Variants in SVIL observed in about 807,000 individuals in gnomAD.
The protein encoded by SVIL is supervillin.
In SVIL, 101 loss-of-function variants were observed where a neutral mutation model predicts 240.4. The ratio of observed to expected loss-of-function variants is 0.42; its 90% CI spans 0.36 to 0.50. The LOEUF is 0.50. Among genes scored for constraint, SVIL ranks in the 20% least tolerant of loss-of-function variants. The pLI is 0.01. For missense variants in SVIL, 2,512 were observed against 2,818.7 expected, an observed-to-expected ratio of 0.89 and a Z score of 2.46; for synonymous variants, 999 against 1,100.0, an observed-to-expected ratio of 0.91 and a Z score of 1.82.
chr10:29,565,062 A>G (rs1954855491), intron 2 of SVIL, among the ~76,000 whole-genome samples: 1 of 152,234 alleles, frequency 6.6e-6, no homozygotes, highest in Non-Finnish European at 1.5e-5. Flanking sequence ...AAATCTTTTC[A>G]GGAAAAAAAA....
intron 6 of SVIL, among the ~76,000 whole-genome samples, chr10:29,540,298 C>T (rs1187354057): frequency 2.6e-5 from 4 of 152,184 alleles, no homozygotes; most frequent in Non-Finnish European, 4.4e-5. Context: ...CCTCTCTCTT[C>T]GCTAGGATGT....
chr10:29,681,072 G>A (rs946982676), intron 2 of SVIL, among the ~76,000 whole-genome samples: 1 of 152,246 alleles, frequency 6.6e-6, no homozygotes, highest in South Asian at 2.1e-4. Flanking sequence ...GCGGAAGAGA[G>A]GTGAGTTCCC....
chr10:29,543,707 CT>C (rs1952376646), intron 6 of SVIL, among the ~76,000 whole-genome samples: 1 of 152,128 alleles, frequency 6.6e-6, no homozygotes, highest in African/African-American at 2.4e-5. Context: ...CCCCTGCCTC[CT>C]TTAGTCATCA....
In SVIL at chr10:29,630,630, T is replaced by C. The variant is rs540141462; in HGVS notation, c.-201+3790A>G. 7.0e-4 allele frequency among the ~76,000 whole-genome samples: 107 copies of C among 152,202 alleles called. 3 individuals carry two copies. In the South Asian group the frequency reaches 0.022, roughly 31 times the overall value. ...TCCAATAATGAAGTGACTGACTTCATGCGGCACACCTTAATTTCCCGGTTG... is the reference window on the plus strand; with the variant it reads ...TCCAATAATGAAGTGACTGACTTCACGCGGCACACCTTAATTTCCCGGTTG... On this transcript the variant is annotated intron_variant, in intron 1 of 37. Coordinates refer to ENST00000355867, the MANE Select transcript of SVIL (RefSeq NM_021738.3).
intron 12 of SVIL, among the ~76,000 whole-genome samples, chr10:29,527,605 T>C (rs977633737): frequency 1.3e-5 from 2 of 151,644 alleles, no homozygotes; most frequent in African/African-American, 4.9e-5. Context: ...TTTTGTATTT[T>C]TATTAGAGAT....
intron 6 of SVIL, among the ~76,000 whole-genome samples, chr10:29,541,305 C>T (rs746846413): frequency 2.6e-5 from 4 of 152,122 alleles, no homozygotes; most frequent in African/African-American, 4.8e-5. Context: ...TTTGCACATG[C>T]GGTCAAGAAT....
At position 29,470,420 on chromosome 10, in the gene SVIL, G is replaced by T. The variant is rs1367437982; in HGVS notation, c.5699C>A (p.Ala1900Asp). The T allele has an allele frequency of 1.9e-6, 3 of 1,614,080 alleles. No individual in the cohort carries two copies. In the Admixed American group the frequency reaches 5.0e-5, roughly 27 times the overall value. ...GGACCTCAGGCTGCTACAGTGACAG[G>T]CCACTTCCAGCAAATTCCCTTCCAC... is the stretch of plus-strand genomic sequence containing the variant. ...VPVEGNLLEV[A>D]CHCSSLRSRT... The change falls in exon 32 of 38, where the codon GCC becomes GAC. Residue 1900 changes from alanine (A) to aspartate (D), a missense_variant. Physicochemically the swap from Ala to Asp is moderately radical, Grantham distance 126. Coordinates refer to ENST00000355867, the MANE Select transcript of SVIL (RefSeq NM_021738.3).
chr10:29,705,191 G>A (rs1360402687), intron 1 of SVIL, among the ~76,000 whole-genome samples: 2 of 152,186 alleles, frequency 1.3e-5, no homozygotes, highest in African/African-American at 2.4e-5. Flanking sequence ...CTTTCCCAAA[G>A]AGATTTTGGG....
chr10:29,461,656 A>C (rs1047258163), intron 36 of SVIL, among the ~76,000 whole-genome samples: 3 of 152,250 alleles, frequency 2.0e-5, no homozygotes. Flanking sequence ...CAACATAGCT[A>C]TAATAAAATT....
intron 3 of SVIL, among the ~76,000 whole-genome samples, chr10:29,562,167 A>G (rs1431652059): frequency 6.6e-6 from 1 of 152,214 alleles, no homozygotes; most frequent in Non-Finnish European, 1.5e-5. Flanking sequence ...TGTTTCTTCC[A>G]CTGGAAGGTT....
chr10:29,476,318 T>C (rs1564474881), intron 29 of SVIL, among the ~76,000 whole-genome samples: 1 of 152,260 alleles, frequency 6.6e-6, no homozygotes, highest in Non-Finnish European at 1.5e-5. Context: ...ATACATTGTG[T>C]AAATACATAT....
intron 1 of SVIL, among the ~76,000 whole-genome samples, chr10:29,605,708 T>C (rs1956994246): frequency 1.9e-5 from 2 of 107,214 alleles, no homozygotes; most frequent in Non-Finnish European, 4.1e-5. Context: ...TTAAAAAATA[T>C]ATATTCAAAT....
At chr10:29,463,359 A>G (rs947947191) in intron 35 of SVIL, 133 bp downstream of exon 35, 1 of 1,278,282 alleles carries the variant, frequency 7.8e-7, no homozygotes, top group South Asian at 1.8e-5. Context: ...AATTGGTTTC[A>G]TCACCACCTG....
intron 1 of SVIL, among the ~76,000 whole-genome samples, chr10:29,592,080 A>T (rs1956412940): frequency 6.6e-6 from 1 of 152,104 alleles, no homozygotes; most frequent in Non-Finnish European, 1.5e-5. Flanking sequence ...GGAAAACCAC[A>T]TCTCTACTAA....
intron 3 of SVIL, among the ~76,000 whole-genome samples, chr10:29,556,250 A>G (rs1383313607): frequency 1.3e-5 from 2 of 152,170 alleles, no homozygotes; most frequent in African/African-American, 2.4e-5. Flanking sequence ...AGTGACTCCT[A>G]TGAAGGACTC....
At chr10:29,655,720 A>G (rs535848432) in intron 3 of SVIL, among the ~76,000 whole-genome samples, 1 of 152,214 alleles carries the variant, frequency 6.6e-6, no homozygotes, top group Non-Finnish European at 1.5e-5. Flanking sequence ...AGAAGTGGTG[A>G]GAATGGATAT....
chr10:29,539,195 A>G (rs921864402), intron 6 of SVIL, among the ~76,000 whole-genome samples: 2 of 152,080 alleles, frequency 1.3e-5, no homozygotes, highest in East Asian at 1.9e-4. Flanking sequence ...AAATAAATAA[A>G]TAAACAAACA....
intron 26 of SVIL, among the ~76,000 whole-genome samples, chr10:29,485,264 C>T (rs1487893901): frequency 6.6e-6 from 1 of 151,740 alleles, no homozygotes; most frequent in Non-Finnish European, 1.5e-5. Flanking sequence ...CTCTCCAGTA[C>T]ACAATTCCAA....
chr10:29,709,015 A>T (rs1203518494), intron 1 of SVIL, among the ~76,000 whole-genome samples: 1 of 151,852 alleles, frequency 6.6e-6, no homozygotes, highest in Admixed American at 6.6e-5. Flanking sequence ...AAAAACACAA[A>T]AAATTGAAGA....
Sources: gnomAD v4.1 joint callset for allele counts (sites outside exome capture counted in the v4.1 genomes callset) on GRCh38, gnomAD v4.1.1 for gene constraint, MANE v1.5 for transcripts, NCBI Gene and HGNC (gene_info 2026-07-23, HGNC 2026-07-21) for gene names.